Variants in KAT6B observed in about 807,000 individuals in gnomAD.
The protein encoded by KAT6B is lysine acetyltransferase 6B.
In KAT6B, 10 loss-of-function variants were observed where a neutral mutation model predicts 187.5. That is an observed-to-expected ratio of 0.05 (90% CI 0.03 to 0.09). KAT6B has a LOEUF of 0.09. Ranked by LOEUF, KAT6B falls within the 10% of genes least tolerant of loss-of-function variation. The pLI, the probability that KAT6B is intolerant of heterozygous loss-of-function variation, is 1.00. For missense variants in KAT6B, 1,952 were observed against 2,558.9 expected, an observed-to-expected ratio of 0.76 and a Z score of 5.12; for synonymous variants, 861 against 926.8, an observed-to-expected ratio of 0.93 and a Z score of 1.29.
chr10:74,917,647 T>C (rs1847789487), intron 3 of KAT6B, among the ~76,000 whole-genome samples: 2 of 152,216 alleles, frequency 1.3e-5, no homozygotes, highest in South Asian at 4.1e-4. Flanking sequence ...ATGTAGTGCC[T>C]TTAAAAGGCC....
intron 13 of KAT6B, among the ~76,000 whole-genome samples, chr10:74,994,619 C>CAA (rs952757609): frequency 2.1e-5 from 3 of 142,582 alleles, no homozygotes; most frequent in Non-Finnish European, 4.6e-5. Context: ...CCTGTCTCTA[C>CAA]AAAAAAAAAA....
At chr10:74,853,323 CTG>C (rs1465148873) in intron 3 of KAT6B, among the ~76,000 whole-genome samples, 1 of 151,360 alleles carries the variant, frequency 6.6e-6, no homozygotes, top group Non-Finnish European at 1.5e-5. Context: ...CAGTCTTACT[CTG>C]TTGCCCAGGC....
chr10:74,895,484 G>A (rs908973362), intron 3 of KAT6B, among the ~76,000 whole-genome samples: 5 of 151,858 alleles, frequency 3.3e-5, no homozygotes, highest in African/African-American at 4.8e-5. Context: ...CTATGAGTAA[G>A]GCATAAAAAG....
intron 3 of KAT6B, among the ~76,000 whole-genome samples, chr10:74,887,218 GGA>G (rs1337488774): frequency 1.3e-5 from 2 of 152,164 alleles, no homozygotes; most frequent in Non-Finnish European, 2.9e-5. Flanking sequence ...TGAGACTACA[GGA>G]GAGAGGGGTG....
At chr10:75,004,627 G>A (rs572181607) in intron 13 of KAT6B, among the ~76,000 whole-genome samples, 1 of 152,280 alleles carries the variant, frequency 6.6e-6, no homozygotes, top group Non-Finnish European at 1.5e-5. Flanking sequence ...AGAGGCTGTG[G>A]CAGTGCAGAG....
chr10:74,918,697 T>A (rs1358329691), intron 3 of KAT6B, among the ~76,000 whole-genome samples: 2 of 151,586 alleles, frequency 1.3e-5, no homozygotes, highest in Admixed American at 1.3e-4. Flanking sequence ...GAGCTGAGAT[T>A]GTGCTGTTGC....
chr10:74,857,344 G>A (rs568033057), intron 3 of KAT6B, among the ~76,000 whole-genome samples: 21 of 152,234 alleles, frequency 1.4e-4, no homozygotes, highest in Non-Finnish European at 2.1e-4. Context: ...TAGAGGCTGC[G>A]CATATTCCTT....
chr10:74,829,393 G>T (rs1840559428), intron 1 of KAT6B, among the ~76,000 whole-genome samples: 1 of 152,088 alleles, frequency 6.6e-6, no homozygotes, highest in African/African-American at 2.4e-5. Context: ...GTTCTCTACA[G>T]TGTACCCTCA....
chr10:75,003,885 T>C (rs1408790617), intron 13 of KAT6B, among the ~76,000 whole-genome samples: 5 of 152,184 alleles, frequency 3.3e-5, no homozygotes, highest in Admixed American at 6.5e-5. Flanking sequence ...AAGCTTGTCA[T>C]AAATAAGAGC....
chr10:74,894,439 A>T (rs1845850183), intron 3 of KAT6B, among the ~76,000 whole-genome samples: 1 of 152,140 alleles, frequency 6.6e-6, no homozygotes, highest in Admixed American at 6.5e-5. Context: ...CATAACATTA[A>T]ATTTACCATC....
At chr10:74,982,319 A>G (rs1254365217) in intron 11 of KAT6B, 1 of 286,944 alleles carries the variant, frequency 3.5e-6, no homozygotes, top group Non-Finnish European at 6.7e-6. Flanking sequence ...GCAGCTGTAC[A>G]TATCTCCTCA....
intron 3 of KAT6B, among the ~76,000 whole-genome samples, chr10:74,858,228 A>T (rs1200476563): frequency 2.0e-5 from 3 of 151,638 alleles, no homozygotes; most frequent in African/African-American, 4.9e-5. Flanking sequence ...GAACTGAAGA[A>T]TGGATTTGGC....
intron 3 of KAT6B, among the ~76,000 whole-genome samples, chr10:74,936,359 C>T (rs1463137918): frequency 2.0e-5 from 3 of 150,494 alleles, no homozygotes; most frequent in Non-Finnish European, 4.4e-5. Flanking sequence ...GCCAAGACTG[C>T]GCCACTGCAC....
chr10:74,854,246 G>A (rs539513824), intron 3 of KAT6B, among the ~76,000 whole-genome samples: 248 of 152,266 alleles, frequency 1.6e-3, no homozygotes, highest in Non-Finnish European at 2.8e-3. Flanking sequence ...TTTTGTGAGT[G>A]GGTGTGCTTA....
Position 75,025,003 on chromosome 10 carries a change from A to G in KAT6B, c.3418A>G (p.Ile1140Val). ...GAAAAGGGGTCGTAAACGCAGGAGG[A>G]TCAACAGCAGTGTAACAACAGAGAC... ...KKKRGRKRRR[I>V]NSSVTTETIS... The change falls in exon 17 of 18, where the codon ATC becomes GTC. Residue 1140 changes from isoleucine to valine, a missense_variant. Transcript: ENST00000287239. The G allele has an allele frequency of 6.2e-7, 1 of 1,614,208 alleles. No individual in the cohort carries two copies. The highest frequency in any genetic ancestry group is 8.5e-7 in the Non-Finnish European group (1 of 1,180,038).
chr10:74,923,342 C>T (rs990199087), intron 3 of KAT6B, among the ~76,000 whole-genome samples: 6 of 152,180 alleles, frequency 3.9e-5, no homozygotes, highest in Admixed American at 1.3e-4. Flanking sequence ...ACTGGGGACA[C>T]AGCAGGGAGC....
intron 13 of KAT6B, among the ~76,000 whole-genome samples, chr10:75,012,122 C>T (rs1161786116): frequency 6.6e-6 from 1 of 152,070 alleles, no homozygotes; most frequent in East Asian, 1.9e-4. Flanking sequence ...CAGGCAGGGT[C>T]GAGAACCACT....
At chr10:74,848,662 C>T (rs1842278385) in intron 3 of KAT6B, among the ~76,000 whole-genome samples, 1 of 151,904 alleles carries the variant, frequency 6.6e-6, no homozygotes. Flanking sequence ...AGATTGGACA[C>T]TCCTGGTCTA....
intron 12 of KAT6B, among the ~76,000 whole-genome samples, chr10:74,987,398 A>G (rs1300343116): frequency 6.6e-6 from 1 of 151,818 alleles, no homozygotes; most frequent in Non-Finnish European, 1.5e-5. Context: ...GCACCACTGC[A>G]CTCCAGCCTG....
Sources: gnomAD v4.1 joint callset for allele counts (sites outside exome capture counted in the v4.1 genomes callset) on GRCh38, gnomAD v4.1.1 for gene constraint, MANE v1.5 for transcripts, NCBI Gene and HGNC (gene_info 2026-07-23, HGNC 2026-07-21) for gene names.